The following DMXL1 variants were observed in gnomAD, a reference collection of about 807,000 sequenced individuals.
DMXL1 encodes dmX-like protein 1.
A neutral mutation model predicts 319.2 loss-of-function variants in DMXL1; 99 were observed. That is an observed-to-expected ratio of 0.31 (90% CI 0.26 to 0.37). The LOEUF is 0.37. Among genes scored for constraint, DMXL1 ranks in the 10% least tolerant of loss-of-function variants. The probability of loss-of-function intolerance (pLI) is 1.00; values close to 1 mark genes in which losing one functional copy is unlikely to be tolerated. For missense variants in DMXL1, 3,745 were observed against 3,595.6 expected (o/e 1.04, Z -1.06); for synonymous variants, 1,385 against 1,235.2 (o/e 1.12, Z -2.54).
At chr5:119,174,367 C>G (rs1012137628) in intron 25 of DMXL1, among the ~76,000 whole-genome samples, 2 of 152,164 alleles carry the variant, frequency 1.3e-5, no homozygotes, top group Non-Finnish European at 2.9e-5. Flanking sequence ...AAGTCAAGCC[C>G]AGCTCAGATT....
intron 37 of DMXL1, among the ~76,000 whole-genome samples, chr5:119,222,830 T>G (rs1247349349): frequency 6.6e-6 from 1 of 152,116 alleles, no homozygotes; most frequent in Non-Finnish European, 1.5e-5. Flanking sequence ...TCTCTTGAAC[T>G]TATTAAGCTC....
At chr5:119,125,190 A>G (rs1763246599) in intron 9 of DMXL1, among the ~76,000 whole-genome samples, 1 of 152,230 alleles carries the variant, frequency 6.6e-6, no homozygotes, top group Non-Finnish European at 1.5e-5. Flanking sequence ...ATAGAGAACT[A>G]CAATATATGA....
chr5:119,183,068 T>C (rs1777057138), intron 28 of DMXL1, among the ~76,000 whole-genome samples: 1 of 152,196 alleles, frequency 6.6e-6, no homozygotes, highest in African/African-American at 2.4e-5. Context: ...AGTTGAGGAA[T>C]GGAAATATAA....
intron 26 of DMXL1, among the ~76,000 whole-genome samples, chr5:119,176,411 A>G (rs1775802067): frequency 1.3e-5 from 2 of 152,014 alleles, no homozygotes; most frequent in Non-Finnish European, 2.9e-5. Context: ...TTCCCAAGGT[A>G]ACTTCAACTT....
At chr5:119,167,543 G>A in intron 22 of DMXL1, 60 bp from the exon 23 acceptor site, 1 of 1,394,922 alleles carries the variant, frequency 7.2e-7, no homozygotes, top group Non-Finnish European at 9.7e-7. Flanking sequence ...TGAGTTAACA[G>A]AATTTATCCT....
At chr5:119,200,048 CT>C (rs1317161947) in intron 32 of DMXL1, among the ~76,000 whole-genome samples, 2 of 152,074 alleles carry the variant, frequency 1.3e-5, no homozygotes, top group African/African-American at 4.8e-5. Flanking sequence ...TTGATAGTTT[CT>C]TTTGTTTTGC....
At chr5:119,161,259 G>C (rs1417421274) in intron 19 of DMXL1, among the ~76,000 whole-genome samples, 1 of 152,198 alleles carries the variant, frequency 6.6e-6, no homozygotes. Flanking sequence ...TGTCTGGCAA[G>C]ACCACTGTCA....
rs183308558 is a variant in DMXL1 at position 119,150,525 on chromosome 5, A to T, written c.4594+104A>T. Reference sequence around the variant, plus strand: ...TGCCATTGGCTAGGCACAGGGGCTTATGCCTGTAAATTCAGCTCTTTGGGA... The same window carrying T: ...TGCCATTGGCTAGGCACAGGGGCTTTTGCCTGTAAATTCAGCTCTTTGGGA... On this transcript the variant is annotated intron_variant, in intron 18 of 43. Coordinates refer to ENST00000539542, the MANE Select transcript of DMXL1 (RefSeq NM_001290321.3). The T allele has an allele frequency of 1.1e-4, 139 of 1,266,864 alleles. No individual in the cohort carries two copies. In the African/African-American group the frequency reaches 1.7e-3, roughly 15 times the overall value. 78.5% of individuals were successfully genotyped at this position (1,266,864 alleles called of 1,614,324 possible).
At chr5:119,210,597 G>A (rs1363645036) in intron 34 of DMXL1, among the ~76,000 whole-genome samples, 1 of 152,042 alleles carries the variant, frequency 6.6e-6, no homozygotes. Flanking sequence ...TGACACAGAT[G>A]AGTAGGTCTA....
intron 9 of DMXL1, among the ~76,000 whole-genome samples, chr5:119,126,577 G>A (rs144978886): frequency 3.3e-5 from 5 of 152,256 alleles, no homozygotes; most frequent in Non-Finnish European, 5.9e-5. Context: ...GCCCAACACC[G>A]TGGACAATTC....
At chr5:119,164,014 G>C (rs1217487755) in intron 19 of DMXL1, among the ~76,000 whole-genome samples, 2 of 152,088 alleles carry the variant, frequency 1.3e-5, no homozygotes, top group African/African-American at 4.8e-5. Context: ...CCCTGCTAGA[G>C]CTGGAATTTA....
intron 29 of DMXL1, among the ~76,000 whole-genome samples, chr5:119,191,108 A>C (rs769447300): frequency 6.6e-6 from 1 of 152,230 alleles, no homozygotes; most frequent in Non-Finnish European, 1.5e-5. Context: ...GGTTTTGACA[A>C]ATATCTTTAA....
chr5:119,159,631 T>C (rs896686748), intron 19 of DMXL1, among the ~76,000 whole-genome samples: 1 of 152,202 alleles, frequency 6.6e-6, no homozygotes, highest in Admixed American at 6.5e-5. Flanking sequence ...GTCTTTGGTT[T>C]ATTTATTTAT....
intron 38 of DMXL1, among the ~76,000 whole-genome samples, chr5:119,226,405 T>C (rs1785572823): frequency 6.6e-6 from 1 of 152,212 alleles, no homozygotes. Flanking sequence ...GATAGCTGTT[T>C]TCTTTCCTTG....
At chr5:119,161,242 G>A (rs1262268413) in intron 19 of DMXL1, among the ~76,000 whole-genome samples, 2 of 152,182 alleles carry the variant, frequency 1.3e-5, no homozygotes, top group African/African-American at 2.4e-5. Context: ...TGCTCTCTAG[G>A]TTCTGCTGTC....
chr5:119,205,361 A>G (rs1481499929), intron 33 of DMXL1, among the ~76,000 whole-genome samples: 1 of 152,170 alleles, frequency 6.6e-6, no homozygotes, highest in East Asian at 1.9e-4. Flanking sequence ...ATAGCAAATA[A>G]TAAGTATAAC....
chr5:119,165,885 G>A (rs570019041), intron 21 of DMXL1, among the ~76,000 whole-genome samples: 1 of 152,302 alleles, frequency 6.6e-6, no homozygotes, highest in Admixed American at 6.5e-5. Context: ...GATTTGGGTG[G>A]GGACACAGCC....
chr5:119,125,326 G>A (rs75792975), intron 9 of DMXL1, among the ~76,000 whole-genome samples: 6,322 of 152,144 alleles, frequency 0.042, 354 homozygotes, highest in African/African-American at 0.13. Flanking sequence ...TTTTGCCTAG[G>A]AATGATCTAT....
intron 28 of DMXL1, among the ~76,000 whole-genome samples, chr5:119,179,326 C>G (rs1486790083): frequency 6.8e-6 from 1 of 146,580 alleles, no homozygotes; most frequent in African/African-American, 2.5e-5. Context: ...AAAAAAAGCC[C>G]TATGCATACA....
Sources: gnomAD v4.1 joint callset for allele counts (sites outside exome capture counted in the v4.1 genomes callset) on GRCh38, gnomAD v4.1.1 for gene constraint, MANE v1.5 for transcripts, NCBI Gene and HGNC (gene_info 2026-07-23, HGNC 2026-07-21) for gene names.